ZFPM2: variants seen among roughly 807,000 people sequenced by gnomAD.
ZFPM2 encodes zinc finger protein ZFPM2.
In ZFPM2, 20 loss-of-function variants were observed where a neutral mutation model predicts 98.6. The ratio of observed to expected loss-of-function variants is 0.20; its 90% CI spans 0.14 to 0.29. The LOEUF (loss-of-function observed/expected upper bound fraction) is 0.29, where lower values mean the gene tolerates loss of function less well. ZFPM2 is among the 10% of genes least tolerant of loss of function. The pLI, the probability that ZFPM2 is intolerant of heterozygous loss-of-function variation, is 1.00. For missense variants in ZFPM2, 1,310 were observed against 1,388.6 expected (o/e 0.94, Z 0.90); for synonymous variants, 518 against 502.7 (o/e 1.03, Z -0.41).
intron 4 of ZFPM2, among the ~76,000 whole-genome samples, chr8:105,590,758 G>A (rs531278692): frequency 1.7e-4 from 24 of 137,422 alleles, no homozygotes; most frequent in Admixed American, 1.4e-3. Context: ...GCATACGTGC[G>A]CACGCACACA....
Position 105,801,932 on chromosome 8 carries a change from A to T in ZFPM2, c.1850A>T (p.Glu617Val), listed in dbSNP as rs1200482236. 6.2e-7 allele frequency: 1 copy of T among 1,613,794 alleles called. No homozygotes were observed. The highest frequency in any genetic ancestry group is 1.3e-5 in the African/African-American group (1 of 74,896). ...LNPAAHSADP[E>V]NPLLQTSCIN... is the part of the protein sequence containing the mutation. ...CCAGCTGCTCATTCTGCTGATCCTGAGAATCCACTTCTTCAAACATCTTGC... is the reference window on the plus strand; with the variant it reads ...CCAGCTGCTCATTCTGCTGATCCTGTGAATCCACTTCTTCAAACATCTTGC... The change falls in exon 8 of 8, where the codon GAG becomes GTG. Residue 617 changes from glutamate (E) to valine (V), a missense_variant. By Grantham distance (121) the Glu-to-Val change is moderately radical (BLOSUM62 -2). Coordinates refer to ENST00000407775, the MANE Select transcript of ZFPM2 (RefSeq NM_012082.4).
intron 4 of ZFPM2, among the ~76,000 whole-genome samples, chr8:105,599,829 C>T (rs1816054248): frequency 6.6e-6 from 1 of 151,998 alleles, no homozygotes; most frequent in Non-Finnish European, 1.5e-5. Flanking sequence ...GTGGAAAAGG[C>T]TTTCACTTGC....
chr8:105,609,040 G>C (rs1313091851), intron 4 of ZFPM2, among the ~76,000 whole-genome samples: 2 of 151,940 alleles, frequency 1.3e-5, no homozygotes, highest in African/African-American at 4.8e-5. Flanking sequence ...AGAAGCAAAT[G>C]CAATGACACA....
At chr8:105,793,076 T>G (rs1270037046) in intron 6 of ZFPM2, among the ~76,000 whole-genome samples, 1 of 152,156 alleles carries the variant, frequency 6.6e-6, no homozygotes, top group Non-Finnish European at 1.5e-5. Context: ...GAGCATTTAG[T>G]CCATTGACAT....
chr8:105,648,871 G>T (rs1315037734), intron 5 of ZFPM2, among the ~76,000 whole-genome samples: 1 of 152,034 alleles, frequency 6.6e-6, no homozygotes, highest in African/African-American at 2.4e-5. Context: ...GCTCTTTTTT[G>T]GTTCCATATG....
intron 2 of ZFPM2, among the ~76,000 whole-genome samples, chr8:105,439,064 G>A (rs1291599893): frequency 6.6e-6 from 1 of 152,052 alleles, no homozygotes; most frequent in Non-Finnish European, 1.5e-5. Flanking sequence ...TCAAAAATGT[G>A]TGAGTAATGT....
intron 5 of ZFPM2, among the ~76,000 whole-genome samples, chr8:105,658,018 C>CCCA (rs1817317721): frequency 6.6e-6 from 1 of 152,106 alleles, no homozygotes; most frequent in Non-Finnish European, 1.5e-5. Flanking sequence ...TCATTGTTGA[C>CCCA]CAGTGCTTCC....
At chr8:105,705,654 G>T (rs1181573286) in intron 5 of ZFPM2, among the ~76,000 whole-genome samples, 1 of 152,100 alleles carries the variant, frequency 6.6e-6, no homozygotes, top group Non-Finnish European at 1.5e-5. Flanking sequence ...ACCTCAAAAT[G>T]CATCAAAGAC....
At chr8:105,559,113 G>A (rs912693193) in intron 3 of ZFPM2, among the ~76,000 whole-genome samples, 2 of 151,976 alleles carry the variant, frequency 1.3e-5, no homozygotes, top group African/African-American at 4.8e-5. Context: ...TTCTATAAAG[G>A]GTCTGTCATT....
intron 3 of ZFPM2, among the ~76,000 whole-genome samples, chr8:105,492,442 A>C (rs2130436398): frequency 6.6e-6 from 1 of 152,304 alleles, no homozygotes; most frequent in Non-Finnish European, 1.5e-5. Flanking sequence ...AAAAAATACT[A>C]TTTTGTACAA....
chr8:105,733,815 C>G (rs1812005641), intron 5 of ZFPM2, among the ~76,000 whole-genome samples: 1 of 151,842 alleles, frequency 6.6e-6, no homozygotes, highest in South Asian at 2.1e-4. Flanking sequence ...CCTATTACCA[C>G]TCTAATAATA....
chr8:105,726,662 C>T (rs551859367), intron 5 of ZFPM2, among the ~76,000 whole-genome samples: 1 of 151,878 alleles, frequency 6.6e-6, no homozygotes, highest in East Asian at 2.0e-4. Context: ...TATACTCAAT[C>T]TCCATGGAGT....
At chr8:105,638,920 TG>T (rs989339203) in intron 5 of ZFPM2, among the ~76,000 whole-genome samples, 31 of 152,220 alleles carry the variant, frequency 2.0e-4, no homozygotes, top group Middle Eastern at 3.4e-3. Flanking sequence ...TGATGTACAT[TG>T]TTCCTGCCTC....
intron 4 of ZFPM2, among the ~76,000 whole-genome samples, chr8:105,632,136 C>T (rs187874243): frequency 2.0e-5 from 3 of 151,926 alleles, no homozygotes; most frequent in East Asian, 3.9e-4. Flanking sequence ...AGCTGCAGAT[C>T]CTTTGGGGTT....
intron 3 of ZFPM2, among the ~76,000 whole-genome samples, chr8:105,496,375 C>T (rs770108336): frequency 6.6e-6 from 1 of 152,008 alleles, no homozygotes; most frequent in Non-Finnish European, 1.5e-5. Context: ...CTCAATCTTC[C>T]CTGTCTTTCA....
rs187465266 is a variant in ZFPM2, at chr8:105,568,860, T to C, written c.420+7379T>C. 1.8e-3 allele frequency among the ~76,000 whole-genome samples: 277 copies of C among 152,170 alleles called. 2 individuals carry two copies. Among genetic ancestry groups the C allele is most frequent in the East Asian group, 1.7e-3 (9 of 5,156 alleles). On this transcript the variant is annotated intron_variant, in intron 4 of 7. Coordinates refer to ENST00000407775, the MANE Select transcript of ZFPM2 (RefSeq NM_012082.4). Reference sequence around the variant, plus strand: ...TGCTCACCTCCCCAGTTCTGACCCCTTTTCCACTCTCTTATAGACTTTAGG... The same window carrying C: ...TGCTCACCTCCCCAGTTCTGACCCCCTTTCCACTCTCTTATAGACTTTAGG...
At chr8:105,723,636 C>T (rs963066342) in intron 5 of ZFPM2, among the ~76,000 whole-genome samples, 1 of 151,820 alleles carries the variant, frequency 6.6e-6, no homozygotes, top group Non-Finnish European at 1.5e-5. Flanking sequence ...TCGAGGCCTT[C>T]TTGTTGTACA....
intron 4 of ZFPM2, among the ~76,000 whole-genome samples, chr8:105,574,236 G>A (rs1815415108): frequency 6.6e-6 from 1 of 152,138 alleles, no homozygotes; most frequent in Non-Finnish European, 1.5e-5. Context: ...TGAATATTCT[G>A]AGAACTCATA....
chr8:105,414,472 G>A (rs1231241993), intron 1 of ZFPM2, among the ~76,000 whole-genome samples: 3 of 151,912 alleles, frequency 2.0e-5, no homozygotes, highest in Non-Finnish European at 2.9e-5. Context: ...AATGTCTGTC[G>A]AAAGACATAT....
Sources: gnomAD v4.1 joint callset for allele counts (sites outside exome capture counted in the v4.1 genomes callset) on GRCh38, gnomAD v4.1.1 for gene constraint, MANE v1.5 for transcripts, NCBI Gene and HGNC (gene_info 2026-07-23, HGNC 2026-07-21) for gene names.